The following DCDC1 variants were observed in gnomAD, a reference collection of about 807,000 sequenced individuals.
The protein encoded by DCDC1 is doublecortin domain containing 1.
Under a neutral mutation model 178.3 loss-of-function variants are expected in DCDC1, and 200 were observed. The ratio of observed to expected loss-of-function variants is 1.12; its 90% CI spans 1.00 to 1.26. The LOEUF is 1.26. DCDC1 is among the 50% of genes most tolerant of loss of function. The probability of loss-of-function intolerance (pLI) is 0.00; values close to 1 mark genes in which losing one functional copy is unlikely to be tolerated. For missense variants in DCDC1, 1,983 were observed against 1,749.2 expected (o/e 1.13, Z -2.38); for synonymous variants, 690 against 604.8 (o/e 1.14, Z -2.07).
chr11:31,029,091 C>A (rs964472800), intron 20 of DCDC1, among the ~76,000 whole-genome samples: 8 of 152,042 alleles, frequency 5.3e-5, no homozygotes, highest in East Asian at 1.9e-4. Context: ...AATTTGGATT[C>A]TTTTCCTGTT....
chr11:31,064,969 A>G, intron 19 of DCDC1, 50 bp downstream of exon 19: 2 of 671,410 alleles, frequency 3.0e-6, no homozygotes. Flanking sequence ...TTTTTTCAAA[A>G]TATATTTTAG....
chr11:31,229,958 G>T (rs952968016), intron 9 of DCDC1, among the ~76,000 whole-genome samples: 3 of 151,994 alleles, frequency 2.0e-5, no homozygotes, highest in African/African-American at 7.2e-5. Context: ...ACAAGAAAAG[G>T]ATGCCCACTC....
chr11:30,904,823 A>C, intron 31 of DCDC1, 138 bp downstream of exon 31: 1 of 904,850 alleles, frequency 1.1e-6, no homozygotes, highest in Non-Finnish European at 1.7e-6. Flanking sequence ...GTAAACAGAG[A>C]TCTTCATCTC....
At chr11:31,235,699 A>T (rs189676148) in intron 9 of DCDC1, among the ~76,000 whole-genome samples, 83 of 152,152 alleles carry the variant, frequency 5.5e-4, no homozygotes, top group East Asian at 2.3e-3. Flanking sequence ...AATGGAATTC[A>T]CTTTTCATCA....
At chr11:31,341,280 T>C (rs1950524391) in intron 1 of DCDC1, among the ~76,000 whole-genome samples, 2 of 152,266 alleles carry the variant, frequency 1.3e-5, no homozygotes, top group African/African-American at 4.8e-5. Context: ...ATTGTATTGG[T>C]CCCAGAAGAA....
At chr11:30,885,456 C>T in intron 36 of DCDC1, among the ~76,000 whole-genome samples, 1 of 151,864 alleles carries the variant, frequency 6.6e-6, no homozygotes, top group Non-Finnish European at 1.5e-5. Flanking sequence ...AATAAAGTTA[C>T]ATGTAATACC....
chr11:30,928,925 A>T (rs1261253243), intron 22 of DCDC1, among the ~76,000 whole-genome samples: 1 of 151,874 alleles, frequency 6.6e-6, no homozygotes, highest in Non-Finnish European at 1.5e-5. Context: ...CCAAATTTAA[A>T]ATTTTTAGAC....
At chr11:31,236,746 A>T (rs965750671) in intron 9 of DCDC1, among the ~76,000 whole-genome samples, 1 of 152,136 alleles carries the variant, frequency 6.6e-6, no homozygotes. Flanking sequence ...TCTCGAAATG[A>T]CTATCACACT....
At chr11:31,040,811 A>G (rs1954392737) in intron 20 of DCDC1, among the ~76,000 whole-genome samples, 1 of 152,234 alleles carries the variant, frequency 6.6e-6, no homozygotes, top group African/African-American at 2.4e-5. Flanking sequence ...GTCTTATTCC[A>G]GAGGTCAGAC....
intron 36 of DCDC1, among the ~76,000 whole-genome samples, chr11:30,888,098 A>AAGAAAGAAAAAG (rs1254212107): frequency 9.5e-6 from 1 of 105,426 alleles, no homozygotes; most frequent in Non-Finnish European, 1.9e-5. Context: ...GAAAGAAAGA[A>AAGAAAGAAAAAG]AAAGAAAGAA....
At chr11:31,117,811 GTGTCA>G (rs1340115190) in intron 11 of DCDC1, among the ~76,000 whole-genome samples, 4 of 151,916 alleles carry the variant, frequency 2.6e-5, no homozygotes, top group African/African-American at 9.7e-5. Context: ...ATTTGCTTGC[GTGTCA>G]TGTCCTAAGC....
At chr11:31,268,269 A>T (rs1306172013) in intron 7 of DCDC1, among the ~76,000 whole-genome samples, 1 of 152,214 alleles carries the variant, frequency 6.6e-6, no homozygotes, top group Non-Finnish European at 1.5e-5. Context: ...GTAAAACTAT[A>T]ATCTACTTGA....
intron 9 of DCDC1, among the ~76,000 whole-genome samples, chr11:31,216,276 T>C (rs1202942333): frequency 1.3e-5 from 2 of 152,164 alleles, no homozygotes; most frequent in African/African-American, 4.8e-5. Context: ...GAGGATTAGA[T>C]ATACACAGAA....
At chr11:31,119,476 G>A (rs926369739) in intron 11 of DCDC1, among the ~76,000 whole-genome samples, 1 of 152,038 alleles carries the variant, frequency 6.6e-6, no homozygotes, top group South Asian at 2.1e-4. Context: ...TAGGAAAAGT[G>A]GTTAAATAAG....
chr11:31,024,719 T>C (rs1953110464), intron 20 of DCDC1, among the ~76,000 whole-genome samples: 1 of 151,914 alleles, frequency 6.6e-6, no homozygotes, highest in African/African-American at 2.4e-5. Context: ...TTAGATGACA[T>C]ACATACATTT....
chr11:31,003,608 G>C (rs1951689939), intron 20 of DCDC1, among the ~76,000 whole-genome samples: 1 of 152,198 alleles, frequency 6.6e-6, no homozygotes, highest in South Asian at 2.1e-4. Flanking sequence ...TGAAAATAAG[G>C]AGGAAAGATT....
intron 11 of DCDC1, among the ~76,000 whole-genome samples, chr11:31,126,722 T>C (rs1027104504): frequency 2.6e-5 from 4 of 152,202 alleles, no homozygotes; most frequent in Non-Finnish European, 5.9e-5. Flanking sequence ...TTTTACTAAC[T>C]ACAATCTCTT....
chr11:31,231,077 A>T (rs1014956192), intron 9 of DCDC1, among the ~76,000 whole-genome samples: 1 of 151,990 alleles, frequency 6.6e-6, no homozygotes, highest in African/African-American at 2.4e-5. Context: ...CTCCCACCTC[A>T]GCCTCCCAAA....
intron 20 of DCDC1, among the ~76,000 whole-genome samples, chr11:31,038,855 C>A (rs1395276557): frequency 6.8e-6 from 1 of 147,856 alleles, no homozygotes; most frequent in African/African-American, 2.5e-5. Context: ...GAAAAGATAT[C>A]TTTTGATGAA....
Sources: allele counts gnomAD v4.1 joint callset (sites outside exome capture counted in the v4.1 genomes callset), GRCh38; gene constraint gnomAD v4.1.1; transcripts MANE v1.5; gene names NCBI Gene and HGNC (gene_info 2026-07-23, HGNC 2026-07-21).